Variants in RTL4 observed in about 807,000 individuals in gnomAD.
RTL4 encodes retrotransposon Gag like 4.
In RTL4, 4 loss-of-function variants were observed where a neutral mutation model predicts 5.3. That is an observed-to-expected ratio of 0.75 (90% CI 0.37 to 1.72). RTL4 has a LOEUF of 1.72. Among genes scored for constraint, RTL4 ranks in the 40% most tolerant of loss-of-function variants. The probability of loss-of-function intolerance (pLI) is 0.04; values close to 1 mark genes in which losing one functional copy is unlikely to be tolerated. For synonymous variants in RTL4, 98 were observed against 87.3 expected (o/e 1.12, Z -0.68); for missense variants, 260 against 227.1 (o/e 1.14, Z -0.93).
the RTL4 span, among the ~76,000 whole-genome samples, chrX:112,300,135 A>G: frequency 2.7e-5 from 3 of 111,521 alleles, no homozygotes; most frequent in South Asian, 1.1e-3. Context: ...TCCATCTAAT[A>G]TATAAAGGTC....
At chrX:112,269,637 T>C in the RTL4 span, among the ~76,000 whole-genome samples, 3 of 112,243 alleles carry the variant, frequency 2.7e-5, no homozygotes, top group African/African-American at 9.7e-5. Context: ...AATTTAATTA[T>C]TTTTTATGGT....
the RTL4 span, among the ~76,000 whole-genome samples, chrX:112,424,733 T>C: frequency 9.0e-6 from 1 of 111,174 alleles, no homozygotes; most frequent in Non-Finnish European, 1.9e-5. Flanking sequence ...ATTTAAGAAA[T>C]ATTTTACTGA....
At chrX:112,098,401 A>G in the RTL4 span, among the ~76,000 whole-genome samples, 2 of 111,438 alleles carry the variant, frequency 1.8e-5, no homozygotes, top group Admixed American at 1.9e-4. Context: ...GCTATTGTGA[A>G]TACTGCCACA....
the RTL4 span, among the ~76,000 whole-genome samples, chrX:112,303,985 T>G: frequency 9.0e-6 from 1 of 110,715 alleles, no homozygotes; most frequent in South Asian, 3.9e-4. Flanking sequence ...AACTACTGTC[T>G]CGAAGTGTTG....
the RTL4 span, among the ~76,000 whole-genome samples, chrX:112,408,446 GA>G: frequency 2.1e-5 from 2 of 97,533 alleles, no homozygotes; most frequent in Non-Finnish European, 4.1e-5. Flanking sequence ...CAGGCTATTT[GA>G]AAATGAACAG....
chrX:112,174,854 G>A, the RTL4 span, among the ~76,000 whole-genome samples: 2 of 94,462 alleles, frequency 2.1e-5, no homozygotes, highest in African/African-American at 3.8e-5. Flanking sequence ...ATTTTTTCAT[G>A]TGTCTTTTGG....
chrX:112,278,600 A>G, the RTL4 span, among the ~76,000 whole-genome samples: 1 of 111,748 alleles, frequency 8.9e-6, no homozygotes, highest in Non-Finnish European at 1.9e-5. Flanking sequence ...TGGTATTACC[A>G]GGACATATGA....
At chrX:112,142,535 A>G in the RTL4 span, among the ~76,000 whole-genome samples, 1 of 112,092 alleles carries the variant, frequency 8.9e-6, no homozygotes, top group African/African-American at 3.2e-5. Context: ...ATGTGTAGGC[A>G]AAGATCAGAG....
the RTL4 span, among the ~76,000 whole-genome samples, chrX:112,313,975 AATATAT>A: frequency 9.0e-6 from 1 of 111,403 alleles, no homozygotes; most frequent in East Asian, 2.8e-4. Flanking sequence ...TAAACACTAT[AATATAT>A]ATAAAGCTTA....
chrX:112,276,142 T>TATTC, the RTL4 span, among the ~76,000 whole-genome samples: 1 of 112,219 alleles, frequency 8.9e-6, no homozygotes, highest in African/African-American at 3.2e-5. Context: ...AGAGAGCATT[T>TATTC]ATTCAGACCA....
At chrX:112,133,942 T>C in the RTL4 span, among the ~76,000 whole-genome samples, 12 of 111,886 alleles carry the variant, frequency 1.1e-4, no homozygotes, top group East Asian at 3.1e-3. Flanking sequence ...TCTTTCCTAA[T>C]CCATGCTAGA....
the RTL4 span, among the ~76,000 whole-genome samples, chrX:112,310,333 C>A: frequency 2.0e-5 from 1 of 49,373 alleles, no homozygotes; most frequent in African/African-American, 8.2e-5. Flanking sequence ...AGAAGAGAGA[C>A]CTTACTGGAG....
chrX:112,225,274 G>A, the RTL4 span, among the ~76,000 whole-genome samples: 3 of 111,705 alleles, frequency 2.7e-5, no homozygotes, highest in African/African-American at 9.7e-5. Flanking sequence ...TGTTTTTCTA[G>A]TAGTTTTCTC....
chrX:112,402,439 T>A, the RTL4 span, among the ~76,000 whole-genome samples: 11 of 108,339 alleles, frequency 1.0e-4, no homozygotes, highest in African/African-American at 3.7e-4. Flanking sequence ...TGTGTGTGTG[T>A]GTGTGTAAAA....
the RTL4 span, among the ~76,000 whole-genome samples, chrX:112,131,864 A>T: frequency 8.9e-6 from 1 of 112,116 alleles, no homozygotes; most frequent in Non-Finnish European, 1.9e-5. Context: ...ATCTATGGTG[A>T]TAACAGTAAA....
At chrX:112,257,251 A>G in the RTL4 span, among the ~76,000 whole-genome samples, 5 of 111,465 alleles carry the variant, frequency 4.5e-5, no homozygotes, top group African/African-American at 1.6e-4. Flanking sequence ...TGACCTAATA[A>G]TGTTAAAGGA....
At chrX:112,407,744 G>T in the RTL4 span, among the ~76,000 whole-genome samples, 1 of 112,881 alleles carries the variant, frequency 8.9e-6, no homozygotes. Flanking sequence ...CACAGTCCTA[G>T]TAGTGATGGC....
At chrX:112,229,729 G>C in the RTL4 span, among the ~76,000 whole-genome samples, 2 of 112,293 alleles carry the variant, frequency 1.8e-5, no homozygotes, top group African/African-American at 6.5e-5. Context: ...CTTTCTGTTT[G>C]TTAGTTTTCC....
the RTL4 span, among the ~76,000 whole-genome samples, chrX:112,316,302 T>C: frequency 8.9e-6 from 1 of 111,926 alleles, no homozygotes; most frequent in Admixed American, 9.5e-5. Context: ...AAAACCTTAA[T>C]GTGTTCCCTG....
Sources: allele counts gnomAD v4.1 joint callset (sites outside exome capture counted in the v4.1 genomes callset), GRCh38; gene constraint gnomAD v4.1.1; transcripts MANE v1.5; gene names NCBI Gene and HGNC (gene_info 2026-07-23, HGNC 2026-07-21).